Variants in MAST4 observed in about 807,000 individuals in gnomAD.
The protein encoded by MAST4 is microtubule associated serine/threonine kinase family member 4.
MAST4 carries 89 observed loss-of-function variants against 162.7 expected under a neutral mutation model. That is an observed-to-expected ratio of 0.55 (90% CI 0.46 to 0.65). MAST4 has a LOEUF of 0.65. Among genes scored for constraint, MAST4 ranks in the 30% least tolerant of loss-of-function variants. The probability of loss-of-function intolerance (pLI) is 0.00; values close to 1 mark genes in which losing one functional copy is unlikely to be tolerated. For synonymous variants in MAST4, 1,479 were observed against 1,361.1 expected (o/e 1.09, Z -1.91); for missense variants, 3,153 against 3,374.0 (o/e 0.93, Z 1.62).
At chr5:67,049,058 T>TATATATATAC (rs1284835940) in intron 4 of MAST4, among the ~76,000 whole-genome samples, 9 of 105,896 alleles carry the variant, frequency 8.5e-5, no homozygotes, top group African/African-American at 3.5e-4. Context: ...TATATATATA[T>TATATATATAC]ACGTATATAT....
intron 4 of MAST4, among the ~76,000 whole-genome samples, chr5:66,957,930 C>G (rs1745521257): frequency 6.6e-6 from 1 of 152,232 alleles, no homozygotes; most frequent in South Asian, 2.1e-4. Context: ...TGTGGCATCC[C>G]TGCTTAGGCA....
At chr5:66,638,614 ATAC>A (rs1159919832) in intron 1 of MAST4, among the ~76,000 whole-genome samples, 9 of 152,232 alleles carry the variant, frequency 5.9e-5, no homozygotes, top group Non-Finnish European at 1.3e-4. Flanking sequence ...AATTTATACC[ATAC>A]TTTAAATAAT....
intron 3 of MAST4, among the ~76,000 whole-genome samples, chr5:66,878,765 T>C (rs1761475433): frequency 6.6e-6 from 1 of 152,238 alleles, no homozygotes; most frequent in Non-Finnish European, 1.5e-5. Context: ...CCTATGGACC[T>C]AGGTAAAGCT....
At chr5:66,627,594 G>C (rs1744520828) in intron 1 of MAST4, among the ~76,000 whole-genome samples, 2 of 152,064 alleles carry the variant, frequency 1.3e-5, no homozygotes, top group Admixed American at 1.3e-4. Context: ...ATTAAACTCA[G>C]CATATACAAT....
chr5:66,845,126 T>TATATACACACACAC (rs1358855625), intron 3 of MAST4, among the ~76,000 whole-genome samples: 2 of 67,170 alleles, frequency 3.0e-5, no homozygotes, highest in African/African-American at 1.1e-4. Flanking sequence ...TATATATATA[T>TATATACACACACAC]ACACACACAC....
At chr5:66,868,865 G>A (rs1760724091) in intron 3 of MAST4, among the ~76,000 whole-genome samples, 1 of 152,150 alleles carries the variant, frequency 6.6e-6, no homozygotes, top group Admixed American at 6.5e-5. Context: ...CCTACTGGGA[G>A]TTTAAGATTC....
At chr5:66,981,356 T>C (rs952750439) in intron 4 of MAST4, among the ~76,000 whole-genome samples, 4 of 152,254 alleles carry the variant, frequency 2.6e-5, no homozygotes, top group African/African-American at 9.6e-5. Context: ...TTCTCTACTT[T>C]AGGAATGGCT....
At chr5:66,772,565 A>G (rs1754407202) in intron 2 of MAST4, among the ~76,000 whole-genome samples, 1 of 152,202 alleles carries the variant, frequency 6.6e-6, no homozygotes, top group Admixed American at 6.5e-5. Flanking sequence ...AGGGTACAAT[A>G]CAGTAGGGAG....
chr5:67,166,552 C>G lies in MAST4; in HGVS notation c.7373C>G (p.Ser2458Cys), dbSNP rs1451897503. Residue 2458 changes from serine to cysteine, a missense_variant, in exon 29 of 29, where the codon TCT (serine) becomes TGT (cysteine). Transcript: ENST00000403625. Reference protein sequence around the residue: ...SFRSTALPEKSLSCSSSFPET... With the variant: ...SFRSTALPEKCLSCSSSFPET... ...CGATCCACGGCCCTCCCGGAAAAGT[C>G]TCTGAGCTGCTCCTCCAGCTTCCCT... The G allele has an allele frequency of 3.7e-6, 6 of 1,606,674 alleles. No individual in the cohort carries two copies. The highest frequency in any genetic ancestry group is 2.7e-5 in the African/African-American group (2 of 74,720).
intron 4 of MAST4, among the ~76,000 whole-genome samples, chr5:67,019,268 A>T (rs1188105077): frequency 6.6e-6 from 1 of 152,362 alleles, no homozygotes; most frequent in African/African-American, 2.4e-5. Flanking sequence ...GGGCATGTCC[A>T]CAGCCGGCTT....
At chr5:67,152,204 A>G (rs988257796) in intron 24 of MAST4, among the ~76,000 whole-genome samples, 3 of 152,244 alleles carry the variant, frequency 2.0e-5, no homozygotes, top group African/African-American at 4.8e-5. Context: ...GGAATCCAGT[A>G]TCTGTTAATA....
chr5:66,612,760 T>C (rs1743377348), intron 1 of MAST4, among the ~76,000 whole-genome samples: 1 of 152,284 alleles, frequency 6.6e-6, no homozygotes, highest in South Asian at 2.1e-4. Context: ...ATTTTAAGCA[T>C]TGGAAAGAAG....
At chr5:66,636,643 T>A (rs1348259131) in intron 1 of MAST4, among the ~76,000 whole-genome samples, 1 of 152,152 alleles carries the variant, frequency 6.6e-6, no homozygotes, top group East Asian at 1.9e-4. Context: ...GGTAAGTCAC[T>A]TGTGGTAATG....
intron 4 of MAST4, among the ~76,000 whole-genome samples, chr5:66,923,572 G>GT (rs1164495956): frequency 1.5e-4 from 23 of 152,130 alleles, no homozygotes; most frequent in South Asian, 6.2e-4. Flanking sequence ...TCTTTTTCCT[G>GT]TTTTTTTATT....
At chr5:66,999,642 G>A (rs1168019258) in intron 4 of MAST4, among the ~76,000 whole-genome samples, 2 of 151,822 alleles carry the variant, frequency 1.3e-5, no homozygotes, top group Non-Finnish European at 2.9e-5. Flanking sequence ...GTAGTTCTTT[G>A]CTCAACCCAT....
At chr5:66,974,661 A>G (rs1316018166) in intron 4 of MAST4, among the ~76,000 whole-genome samples, 2 of 152,250 alleles carry the variant, frequency 1.3e-5, no homozygotes, top group African/African-American at 4.8e-5. Context: ...GAAATAAAAA[A>G]TGAAACACTT....
chr5:66,657,813 T>C (rs939998279), intron 1 of MAST4, among the ~76,000 whole-genome samples: 1 of 152,202 alleles, frequency 6.6e-6, no homozygotes, highest in African/African-American at 2.4e-5. Context: ...TTCATTCTAA[T>C]TAAATGTGAC....
At chr5:66,615,072 G>A (rs1261561055) in intron 1 of MAST4, among the ~76,000 whole-genome samples, 1 of 152,218 alleles carries the variant, frequency 6.6e-6, no homozygotes, top group African/African-American at 2.4e-5. Flanking sequence ...TTGAAGTTGA[G>A]GCTCCTCTCA....
intron 1 of MAST4, among the ~76,000 whole-genome samples, chr5:66,599,418 C>T (rs1742413016): frequency 6.6e-6 from 1 of 152,172 alleles, no homozygotes; most frequent in Non-Finnish European, 1.5e-5. Context: ...GCCACCTTGA[C>T]CAGTTGTGGG....
Sources: gnomAD v4.1 joint callset for allele counts (sites outside exome capture counted in the v4.1 genomes callset) on GRCh38, gnomAD v4.1.1 for gene constraint, MANE v1.5 for transcripts, NCBI Gene and HGNC (gene_info 2026-07-23, HGNC 2026-07-21) for gene names.